Variants in FAM107B observed in about 807,000 individuals in gnomAD.
FAM107B encodes family with sequence similarity 107 member B, also known as protein FAM107B.
In FAM107B, 21 loss-of-function variants were observed where a neutral mutation model predicts 31.5. The observed-to-expected ratio is 0.67, with a 90% CI of 0.47 to 0.96. The LOEUF is 0.96. Among genes scored for constraint, FAM107B ranks in the 40% least tolerant of loss-of-function variants. The pLI, the probability that FAM107B is intolerant of heterozygous loss-of-function variation, is 0.00. For missense variants in FAM107B, 452 were observed against 377.1 expected, an observed-to-expected ratio of 1.20 and a Z score of -1.64; for synonymous variants, 157 against 141.5, an observed-to-expected ratio of 1.11 and a Z score of -0.78.
At chr10:14,733,900 G>A (rs1397542683) in intron 1 of FAM107B, among the ~76,000 whole-genome samples, 1 of 152,100 alleles carries the variant, frequency 6.6e-6, no homozygotes, top group Non-Finnish European at 1.5e-5. Flanking sequence ...AAACCCTTTG[G>A]AAGTATTTTC....
intron 2 of FAM107B, among the ~76,000 whole-genome samples, chr10:14,536,184 C>T (rs561619487): frequency 1.3e-5 from 2 of 152,332 alleles, no homozygotes; most frequent in East Asian, 3.9e-4. Context: ...TGCTAGTTTT[C>T]ATGTTTACCT....
intron 2 of FAM107B, among the ~76,000 whole-genome samples, chr10:14,568,943 G>A (rs140233639): frequency 1.3e-5 from 2 of 152,294 alleles, no homozygotes; most frequent in East Asian, 1.9e-4. Flanking sequence ...GGCATCTGAC[G>A]ATGTCTGTGG....
At chr10:14,738,847 G>C (rs758051459) in intron 1 of FAM107B, among the ~76,000 whole-genome samples, 28 of 152,190 alleles carry the variant, frequency 1.8e-4, no homozygotes, top group Non-Finnish European at 3.5e-4. Flanking sequence ...TTGTTGCTGT[G>C]TAACAAGCAA....
intron 1 of FAM107B, among the ~76,000 whole-genome samples, chr10:14,770,974 C>G (rs1451116947): frequency 6.3e-5 from 1 of 15,792 alleles, no homozygotes; most frequent in Admixed American, 7.7e-4. Flanking sequence ...TGAGGCTGAA[C>G]TAAAAAAAAA....
chr10:14,689,935 GC>G (rs1448508146), intron 1 of FAM107B, among the ~76,000 whole-genome samples: 1 of 151,332 alleles, frequency 6.6e-6, no homozygotes, highest in East Asian at 1.9e-4. Context: ...CAGCACTCCA[GC>G]CTCGGTGACA....
chr10:14,545,398 C>G (rs925436655), intron 2 of FAM107B, among the ~76,000 whole-genome samples: 1 of 152,156 alleles, frequency 6.6e-6, no homozygotes, highest in Non-Finnish European at 1.5e-5. Context: ...GTCCTGGGCT[C>G]TATCACTAAC....
chr10:14,758,741 G>A (rs1167294295), intron 1 of FAM107B, among the ~76,000 whole-genome samples: 4 of 151,944 alleles, frequency 2.6e-5, no homozygotes, highest in Admixed American at 6.6e-5. Flanking sequence ...GGCCGCGAGT[G>A]CTGGCACACC....
chr10:14,730,411 T>C (rs1444762954), intron 1 of FAM107B, among the ~76,000 whole-genome samples: 1 of 152,060 alleles, frequency 6.6e-6, no homozygotes, highest in Non-Finnish European at 1.5e-5. Context: ...AAGGCTAGAA[T>C]TGGATTTATA....
At chr10:14,611,004 CT>C (rs1488733724) in intron 2 of FAM107B, among the ~76,000 whole-genome samples, 1 of 152,186 alleles carries the variant, frequency 6.6e-6, no homozygotes, top group Admixed American at 6.5e-5. Flanking sequence ...AATGGTGGTT[CT>C]AACTTGTAAC....
intron 2 of FAM107B, among the ~76,000 whole-genome samples, chr10:14,567,444 T>C (rs959006264): frequency 5.3e-5 from 8 of 151,252 alleles, no homozygotes; most frequent in South Asian, 2.1e-4. Context: ...GTGGAGGAGG[T>C]TGGAAAAGTC....
At chr10:14,552,492 C>T (rs1438901723) in intron 2 of FAM107B, among the ~76,000 whole-genome samples, 1 of 150,850 alleles carries the variant, frequency 6.6e-6, no homozygotes, top group African/African-American at 2.4e-5. Context: ...ATGAAGTCAA[C>T]GTTTCCAGGA....
At position 14,548,453 on chromosome 10, in the gene FAM107B, G is replaced by A. The variant is rs948074209; in HGVS notation, c.470-17938C>T. On this transcript the variant is annotated intron_variant, in intron 2 of 4. Transcript: ENST00000181796. ...AGGTAACAGCACCTGGCTGCAAGTA[G>A]CTGGAAGCGCAGGGCTCCTCTGCAG... 3 of 985,616 alleles carry A rather than the reference G, an allele frequency of 3.0e-6. No homozygotes were observed. In the African/African-American group the frequency reaches 5.2e-5, roughly 17 times the overall value. The allele number at this position is 985,616 out of a possible 1,614,324, so 61.1% of individuals were successfully genotyped here.
At chr10:14,628,125 T>TTTTTTGTTTTTTTTTG (rs1564606181) in intron 2 of FAM107B, among the ~76,000 whole-genome samples, 8 of 138,544 alleles carry the variant, frequency 5.8e-5, no homozygotes, top group Admixed American at 1.5e-4. Context: ...TTTTTTTTTT[T>TTTTTTGTTTTTTTTTG]TTTTTTTTGA....
intron 3 of FAM107B, 159 bp from the exon 4 acceptor site, chr10:14,522,178 T>C (rs1845720722): frequency 1.1e-6 from 1 of 896,186 alleles, no homozygotes; most frequent in African/African-American, 1.7e-5. Flanking sequence ...TCTAAGAAAT[T>C]CACCAGCACG....
intron 1 of FAM107B, among the ~76,000 whole-genome samples, chr10:14,734,491 T>TTTTGTTTTTGTTTTG (rs1564279506): frequency 3.4e-4 from 51 of 151,246 alleles, no homozygotes; most frequent in African/African-American, 1.2e-3. Context: ...TTGTGAGGTT[T>TTTTGTTTTTGTTTTG]TTTTTTTTTT....
rs746699830 is a variant in FAM107B, at chr10:14,667,689, T to G, written c.414A>C (p.Glu138Asp). The stretch of plus-strand genomic sequence containing the variant: ...ATTTAGGTTCTTCTCGAAATTCTTC[T>G]TCCTAAGCGCCAGCCCCATAAACCA... ...PRPSIIDTPK[E>D]EEFREEPKCL... Residue 138 changes from glutamate (E) to aspartate (D), a missense_variant and splice_region_variant, in exon 2 of 5, where the codon GAA (glutamate) becomes GAC (aspartate). Glu to Asp is a conservative substitution (Grantham distance 45). Transcript: ENST00000181796. 7 of 1,614,172 alleles carry G rather than the reference T, an allele frequency of 4.3e-6. No homozygotes were observed. The highest frequency in any genetic ancestry group is 5.1e-6 in the Non-Finnish European group (6 of 1,180,018).
At chr10:14,571,760 T>G in intron 2 of FAM107B, 1 of 984,994 alleles carries the variant, frequency 1.0e-6, no homozygotes, top group Non-Finnish European at 1.2e-6. Context: ...TGTTTATTCT[T>G]ACCTCAGATA....
intron 2 of FAM107B, among the ~76,000 whole-genome samples, chr10:14,624,406 G>A (rs1853099752): frequency 6.6e-6 from 1 of 152,158 alleles, no homozygotes; most frequent in South Asian, 2.1e-4. Flanking sequence ...GGAGGCTGAG[G>A]AGGGTGGATC....
chr10:14,749,093 G>A (rs980852385), intron 1 of FAM107B, among the ~76,000 whole-genome samples: 8 of 152,196 alleles, frequency 5.3e-5, no homozygotes, highest in African/African-American at 1.7e-4. Flanking sequence ...TGGTGTGCTC[G>A]GAGTTCAGCA....
Sources: gnomAD v4.1 joint callset for allele counts (sites outside exome capture counted in the v4.1 genomes callset) on GRCh38, gnomAD v4.1.1 for gene constraint, MANE v1.5 for transcripts, NCBI Gene and HGNC (gene_info 2026-07-23, HGNC 2026-07-21) for gene names.